Variants in XPO1 observed in about 807,000 individuals in gnomAD.
XPO1 encodes the protein exportin 1.
XPO1 carries 5 observed loss-of-function variants against 133.3 expected under a neutral mutation model. The ratio of observed to expected loss-of-function variants is 0.04; its 90% confidence interval spans 0.02 to 0.08. The LOEUF (loss-of-function observed/expected upper bound fraction) is 0.08, where lower values mean the gene tolerates loss of function less well. Among genes scored for constraint, XPO1 ranks in the 10% least tolerant of loss-of-function variants. The probability of loss-of-function intolerance (pLI) is 1.00; values close to 1 mark genes in which losing one functional copy is unlikely to be tolerated. For missense variants in XPO1, 506 were observed against 1,267.5 expected (o/e 0.40, Z 9.12); for synonymous variants, 419 against 408.2 (o/e 1.03, Z -0.32).
intron 4 of XPO1, among the ~76,000 whole-genome samples, chr2:61,521,893 C>T (rs1225163669): frequency 6.6e-6 from 1 of 151,738 alleles, no homozygotes; most frequent in Non-Finnish European, 1.5e-5. Context: ...ACCCCTGTCC[C>T]CGCCGCCACC....
chr2:61,520,671 A>G (rs1460937515), intron 4 of XPO1, among the ~76,000 whole-genome samples: 1 of 152,158 alleles, frequency 6.6e-6, no homozygotes, highest in Non-Finnish European at 1.5e-5. Context: ...AGAAACAAAA[A>G]TTTTTTAAAT....
chr2:61,530,807 CATT>C (rs1699118916), intron 2 of XPO1, among the ~76,000 whole-genome samples: 1 of 150,392 alleles, frequency 6.6e-6, no homozygotes, highest in South Asian at 2.1e-4. Flanking sequence ...TTTTTCTTGT[CATT>C]AGTGCATATT....
intron 19 of XPO1, among the ~76,000 whole-genome samples, chr2:61,487,321 A>T (rs1428136362): frequency 6.6e-6 from 1 of 152,208 alleles, no homozygotes; most frequent in East Asian, 1.9e-4. Flanking sequence ...TACAAACATC[A>T]CAATTCCTTC....
At chr2:61,526,716 T>G (rs1698918876) in intron 2 of XPO1, among the ~76,000 whole-genome samples, 195 bp from the exon 3 acceptor site, 1 of 151,690 alleles carries the variant, frequency 6.6e-6, no homozygotes, top group Non-Finnish European at 1.5e-5. Flanking sequence ...ATTTTTTTTT[T>G]TTTTTTTTGA....
intron 2 of XPO1, among the ~76,000 whole-genome samples, chr2:61,533,453 A>G (rs1426176487): frequency 6.6e-6 from 1 of 152,206 alleles, no homozygotes; most frequent in Non-Finnish European, 1.5e-5. Context: ...AAATGTTTTA[A>G]AAGTAGAAGA....
chr2:61,524,206 T>C (rs1474036131), intron 3 of XPO1, among the ~76,000 whole-genome samples: 3 of 152,164 alleles, frequency 2.0e-5, no homozygotes, highest in Non-Finnish European at 4.4e-5. Context: ...ATATATCCTC[T>C]TGCCAAAAAT....
In XPO1 at chr2:61,492,817, T is replaced by C; in HGVS notation, c.1385-69A>G. 6.4e-7 allele frequency: 1 copy of C among 1,565,534 alleles called. No homozygotes were observed. The highest frequency in any genetic ancestry group is 8.7e-7 in the Non-Finnish European group (1 of 1,155,652). On this transcript the variant is annotated intron_variant, in intron 13 of 24. Coordinates refer to ENST00000401558, the MANE Select transcript of XPO1 (RefSeq NM_003400.4). The surrounding 1 kb of genome is among the most constrained non-coding windows in gnomAD (Gnocchi z 5.6). The stretch of plus-strand genomic sequence containing the variant: ...TTTTATTGATGAGTAACAATACATT[T>C]AGAAAATATTTAGAAACTACAAGTA...
intron 4 of XPO1, among the ~76,000 whole-genome samples, 184 bp downstream of exon 4, chr2:61,522,427 A>G (rs1463517412): frequency 6.6e-6 from 1 of 152,178 alleles, no homozygotes; most frequent in Non-Finnish European, 1.5e-5. Context: ...CCCAAAAGAT[A>G]ACCTGTAAGT....
intron 1 of XPO1, 153 bp from the exon 2 acceptor site, chr2:61,534,056 A>C (rs1267864209): frequency 4.2e-6 from 3 of 718,264 alleles, no homozygotes; most frequent in Non-Finnish European, 6.0e-6. Context: ...AGTAAAAGCA[A>C]GTAACAAAAG....
intron 4 of XPO1, among the ~76,000 whole-genome samples, chr2:61,519,656 G>A (rs377330548): frequency 4.8e-5 from 6 of 125,658 alleles, no homozygotes; most frequent in Admixed American, 1.0e-4. Flanking sequence ...CCAAGACTGC[G>A]CCACTGCACT....
At chr2:61,479,254 CAGG>C (rs1421946245) in intron 24 of XPO1, among the ~76,000 whole-genome samples, 1 of 152,028 alleles carries the variant, frequency 6.6e-6, no homozygotes, top group East Asian at 1.9e-4. Context: ...TACTTGATGT[CAGG>C]AGACCACCCT....
chr2:61,501,919 T>C, intron 6 of XPO1, 77 bp downstream of exon 6: 1 of 1,258,544 alleles, frequency 7.9e-7, no homozygotes, highest in Non-Finnish European at 1.1e-6. Context: ...GTATACTTTA[T>C]TTCCTAAGTA....
intron 1 of XPO1, chr2:61,536,608 A>T (rs1699363616): frequency 3.9e-5 from 6 of 152,300 alleles, no homozygotes; most frequent in African/African-American, 1.4e-4. Flanking sequence ...CGCCCGCTTC[A>T]TTCAGGAAAA....
intron 4 of XPO1, among the ~76,000 whole-genome samples, chr2:61,518,498 T>C (rs1204378762): frequency 6.9e-6 from 1 of 145,382 alleles, no homozygotes; most frequent in Non-Finnish European, 1.5e-5. Flanking sequence ...GCGCCTGCAG[T>C]CCCAGATACT....
Position 61,492,871 on chromosome 2 carries a change from A to C in XPO1, c.1384+44T>G. 6.4e-7 allele frequency: 1 copy of C among 1,571,102 alleles called. No homozygotes were observed. The highest frequency in any genetic ancestry group is 8.6e-7 in the Non-Finnish European group (1 of 1,160,140). On this transcript the variant is annotated intron_variant, in intron 13 of 24. Coordinates refer to ENST00000401558, the MANE Select transcript of XPO1 (RefSeq NM_003400.4). This position sits in a 1 kb window ranked among gnomAD's most constrained non-coding sequence, Gnocchi z 5.6. ...TTCCTAAAATGTATTTCCACCCCAG[A>C]ATAGATTTATAAAGGTAAAGATTAA...
Position 61,483,046 on chromosome 2 carries a change from T to G in XPO1, c.2723A>C (p.Glu908Ala), listed in dbSNP as rs762720721. ...FTLLQNVAQE[E>A]AAAQSFYQTY... The stretch of plus-strand genomic sequence containing the variant: ...TTGATAAAAACTCTGAGCTGCAGCT[T>G]CTTCTTGTGCAACATTTTGTAAGAG... The change falls in exon 22 of 25, where the codon GAA becomes GCA. Residue 908 changes from glutamate to alanine, a missense_variant. Physicochemically the swap from Glu to Ala is moderately radical, Grantham distance 107. Around this residue, in one of 6 missense-constraint regions of XPO1, gnomAD observed 203 missense variants for 365.9 expected, o/e 0.55. Coordinates refer to ENST00000401558, the MANE Select transcript of XPO1 (RefSeq NM_003400.4). The G allele has an allele frequency of 3.6e-5, 58 of 1,613,612 alleles. No homozygotes were observed. The highest frequency in any genetic ancestry group is 4.4e-5 in the Non-Finnish European group (52 of 1,179,988).
chr2:61,487,620 A>G (rs907208837), intron 19 of XPO1, among the ~76,000 whole-genome samples: 2 of 152,228 alleles, frequency 1.3e-5, no homozygotes, highest in South Asian at 2.1e-4. Context: ...GCTCAATTGA[A>G]TAACAAGAAT....
At chr2:61,495,432 A>G in intron 11 of XPO1, 23 bp downstream of exon 11, 1 of 1,496,188 alleles carries the variant, frequency 6.7e-7, no homozygotes, top group Non-Finnish European at 9.0e-7. Context: ...GAATTTTAGG[A>G]GCAAAAGCTC....
chr2:61,482,363 T>C lies in XPO1; in HGVS notation c.2972+17A>G. 10 of 1,585,134 alleles carry C rather than the reference T, an allele frequency of 6.3e-6. No homozygotes were observed. Among genetic ancestry groups the C allele is most frequent in the Non-Finnish European group, 8.6e-6 (10 of 1,166,132 alleles). On this transcript the variant is annotated intron_variant, in intron 23 of 24. Transcript: ENST00000401558. ...CCCGACCAGGAACATTCTACGTTTA[T>C]TAAAAGGTATATTTACTCTTGTAGG...
Sources: gnomAD v4.1 joint callset for allele counts (sites outside exome capture counted in the v4.1 genomes callset) on GRCh38, gnomAD v4.1.1 for gene constraint, gnomAD v4.1.1 regional missense constraint, Gnocchi (gnomAD v3.1) non-coding constraint, MANE v1.5 for transcripts, NCBI Gene and HGNC (gene_info 2026-07-23, HGNC 2026-07-21) for gene names.